NGEF: variants seen among roughly 807,000 people sequenced by gnomAD.
NGEF encodes ephexin-1.
In NGEF, 31 loss-of-function variants were observed where a neutral mutation model predicts 80.9. The observed-to-expected ratio is 0.38, with a 90% confidence interval of 0.29 to 0.52. The LOEUF (loss-of-function observed/expected upper bound fraction) is 0.52, where lower values mean the gene tolerates loss of function less well. NGEF is among the 20% of genes least tolerant of loss of function. The probability of loss-of-function intolerance (pLI) is 0.84; values close to 1 mark genes in which losing one functional copy is unlikely to be tolerated. For missense variants in NGEF, 709 were observed against 926.2 expected (o/e 0.77, Z 3.04); for synonymous variants, 371 against 370.2 (o/e 1.00, Z -0.03).
At chr2:232,953,338 A>C (rs1483767442) in intron 3 of NGEF, among the ~76,000 whole-genome samples, 2 of 146,336 alleles carry the variant, frequency 1.4e-5, no homozygotes, top group African/African-American at 4.9e-5. Context: ...AAAGAAAAAA[A>C]GGGAAAGAGA....
At chr2:232,936,718 A>C (rs1693331903) in intron 3 of NGEF, among the ~76,000 whole-genome samples, 1 of 152,222 alleles carries the variant, frequency 6.6e-6, no homozygotes, top group Admixed American at 6.5e-5. Flanking sequence ...AAGCTTCGTG[A>C]GTAGAACTTT....
Position 232,879,128 on chromosome 2 carries a change from C to A in NGEF, c.*361G>T. ...CAATTGTCACCTTCTGCCTGCCTCC[C>A]ACAGGGACACTCTGGGTTGGGAGCC... On this transcript the variant is annotated 3_prime_UTR_variant, in exon 15 of 15. Coordinates refer to ENST00000264051, the MANE Select transcript of NGEF (RefSeq NM_019850.3). 5.1e-6 allele frequency: 1 copy of A among 196,464 alleles called. No homozygotes were observed. The highest frequency in any genetic ancestry group is 1.9e-3 in the Middle Eastern group (1 of 528). The allele number at this position is 196,464 out of a possible 1,614,324, so 12.2% of individuals were successfully genotyped here.
chr2:232,960,351 T>C (rs1693922253), intron 3 of NGEF, among the ~76,000 whole-genome samples: 1 of 152,200 alleles, frequency 6.6e-6, no homozygotes, highest in African/African-American at 2.4e-5. Context: ...ACACAATACC[T>C]GAACTTGAGA....
At chr2:232,883,696 G>A (rs989730522) in intron 11 of NGEF, among the ~76,000 whole-genome samples, 3 of 152,158 alleles carry the variant, frequency 2.0e-5, no homozygotes, top group African/African-American at 7.2e-5. Context: ...CGACCCTACC[G>A]TGGCCTCCCT....
chr2:233,011,586 TG>T (rs1559248097), intron 1 of NGEF, among the ~76,000 whole-genome samples: 1 of 53,342 alleles, frequency 1.9e-5, no homozygotes, highest in African/African-American at 7.8e-5. Flanking sequence ...CTTAAAGCAA[TG>T]AAAAAAAAAA....
intron 1 of NGEF, among the ~76,000 whole-genome samples, chr2:232,996,534 T>A (rs997115927): frequency 6.6e-6 from 1 of 152,230 alleles, no homozygotes; most frequent in Admixed American, 6.5e-5. Context: ...AGGACCCCCA[T>A]AGATACTGAA....
At chr2:232,884,294 C>G in intron 10 of NGEF, 150 bp from the exon 11 acceptor site, 1 of 849,340 alleles carries the variant, frequency 1.2e-6, no homozygotes, top group Non-Finnish European at 1.8e-6. Flanking sequence ...GAGTTCTGGA[C>G]GGATGCAGAG....
At chr2:232,926,653 A>G (rs1575020741) in intron 4 of NGEF, among the ~76,000 whole-genome samples, 1 of 151,988 alleles carries the variant, frequency 6.6e-6, no homozygotes, top group Non-Finnish European at 1.5e-5. Flanking sequence ...TCTGCTCCCA[A>G]CAGCCGGTTT....
At chr2:232,915,847 C>T (rs1394963557) in intron 5 of NGEF, among the ~76,000 whole-genome samples, 1 of 152,102 alleles carries the variant, frequency 6.6e-6, no homozygotes, top group Non-Finnish European at 1.5e-5. Context: ...CACACCACCA[C>T]GCCCAGCTAA....
chr2:232,993,105 A>C (rs1362194441), intron 1 of NGEF, among the ~76,000 whole-genome samples: 61 of 28,286 alleles, frequency 2.2e-3, no homozygotes, highest in African/African-American at 6.7e-3. Context: ...ATAAATAAAT[A>C]AATATATATA....
chr2:232,920,376 G>A lies in NGEF; in HGVS notation c.736C>T (p.His246Tyr), dbSNP rs1436649906. Residue 246 changes from histidine (H) to tyrosine (Y), a missense_variant, in exon 5 of 15, where the codon CAC (histidine) becomes TAC (tyrosine). Around this residue, in one of 2 missense-constraint regions of NGEF, gnomAD observed 426 missense variants for 622.9 expected, o/e 0.68. Transcript: ENST00000264051. The part of the protein sequence containing the change: ...LPQICLLSNP[H>Y]SRFNLWQDLP... ...TCCTGCCAGAGGTTGAACCTTGAGT[G>A]GGGGTTACTGAGCAGGCAGATCTGG... is the stretch of plus-strand genomic sequence containing the variant. 9.3e-6 allele frequency: 15 copies of A among 1,614,048 alleles called. No individual in the cohort carries two copies. Among genetic ancestry groups the A allele is most frequent in the Admixed American group, 1.7e-5 (1 of 60,000 alleles).
intron 1 of NGEF, among the ~76,000 whole-genome samples, chr2:232,982,677 C>T (rs974668010): frequency 2.0e-5 from 3 of 152,190 alleles, no homozygotes; most frequent in African/African-American, 7.2e-5. Context: ...CCACATCTGG[C>T]TAATTTTTGT....
chr2:232,937,697 T>C (rs1693355895), intron 3 of NGEF, among the ~76,000 whole-genome samples: 1 of 152,238 alleles, frequency 6.6e-6, no homozygotes, highest in Non-Finnish European at 1.5e-5. Flanking sequence ...CAGTGGGCTC[T>C]GTGGTGCCAT....
At chr2:232,908,632 G>A (rs544782339) in intron 5 of NGEF, among the ~76,000 whole-genome samples, 1 of 151,894 alleles carries the variant, frequency 6.6e-6, no homozygotes, top group African/African-American at 2.4e-5. Context: ...TTCAACTCCT[G>A]GGCTAAAACC....
At chr2:232,922,012 G>C (rs148834629) in intron 4 of NGEF, among the ~76,000 whole-genome samples, 1 of 152,180 alleles carries the variant, frequency 6.6e-6, no homozygotes, top group Non-Finnish European at 1.5e-5. Context: ...GGGGTGGATC[G>C]AGATGTACCC....
At chr2:232,987,180 C>G (rs932130820) in intron 1 of NGEF, among the ~76,000 whole-genome samples, 15 of 152,120 alleles carry the variant, frequency 9.9e-5, no homozygotes, top group African/African-American at 3.4e-4. Context: ...CCACGCCTGG[C>G]TAATTTTTTA....
At chr2:232,973,239 C>T (rs1207291312) in intron 2 of NGEF, among the ~76,000 whole-genome samples, 1 of 152,184 alleles carries the variant, frequency 6.6e-6, no homozygotes, top group African/African-American at 2.4e-5. Flanking sequence ...CCCCAGCTTC[C>T]TCGTGTGTGA....
chr2:232,975,270 G>A (rs1694268174), intron 1 of NGEF, among the ~76,000 whole-genome samples: 1 of 152,184 alleles, frequency 6.6e-6, no homozygotes, highest in Non-Finnish European at 1.5e-5. Context: ...AAAAAGGGTG[G>A]CAGAAATAGT....
At chr2:232,998,974 T>A (rs1489014613) in intron 1 of NGEF, among the ~76,000 whole-genome samples, 1 of 152,198 alleles carries the variant, frequency 6.6e-6, no homozygotes, top group East Asian at 1.9e-4. Flanking sequence ...CGTGCCACAC[T>A]GTGCTAGGCC....
Sources: allele counts gnomAD v4.1 joint callset (sites outside exome capture counted in the v4.1 genomes callset), GRCh38; gene constraint gnomAD v4.1.1; regional missense constraint gnomAD v4.1.1; transcripts MANE v1.5; gene names NCBI Gene and HGNC (gene_info 2026-07-23, HGNC 2026-07-21).